MFF: variants seen among roughly 807,000 people sequenced by gnomAD.
MFF encodes the protein mitochondrial fission factor.
In MFF, 12 loss-of-function variants were observed where a neutral mutation model predicts 36.9. The ratio of observed to expected loss-of-function variants is 0.33; its 90% CI spans 0.21 to 0.53. The LOEUF (loss-of-function observed/expected upper bound fraction) is 0.53, where lower values mean the gene tolerates loss of function less well. Among genes scored for constraint, MFF ranks in the 20% least tolerant of loss-of-function variants. The pLI, the probability that MFF is intolerant of heterozygous loss-of-function variation, is 0.95. For synonymous variants in MFF, 99 were observed against 126.2 expected (o/e 0.78, Z 1.44); for missense variants, 348 against 366.6 (o/e 0.95, Z 0.42).
intron 5 of MFF, among the ~76,000 whole-genome samples, chr2:227,344,437 G>A (rs933174448): frequency 2.6e-5 from 4 of 152,144 alleles, no homozygotes; most frequent in Admixed American, 2.6e-4. Context: ...AGATGAAAGC[G>A]CTGTTTCCCT....
intron 7 of MFF, among the ~76,000 whole-genome samples, chr2:227,353,005 T>C (rs185084518): frequency 7.1e-4 from 108 of 152,330 alleles, no homozygotes; most frequent in African/African-American, 2.5e-3. Flanking sequence ...TTTGTAAGGC[T>C]TCATCTTAAA....
chr2:227,340,852 A>G (rs2075350187), intron 5 of MFF, among the ~76,000 whole-genome samples: 2 of 152,206 alleles, frequency 1.3e-5, no homozygotes, highest in South Asian at 2.1e-4. Context: ...TAAAGCTACC[A>G]CAAGATTATT....
At chr2:227,339,364 C>T (rs546381534) in intron 4 of MFF, among the ~76,000 whole-genome samples, 18 of 152,218 alleles carry the variant, frequency 1.2e-4, no homozygotes, top group South Asian at 2.1e-4. Flanking sequence ...TTGCAGTTGC[C>T]GTGAAGGGAA....
At chr2:227,337,908 C>T (rs980199582) in intron 4 of MFF, among the ~76,000 whole-genome samples, 64 of 151,332 alleles carry the variant, frequency 4.2e-4, no homozygotes, top group Non-Finnish European at 7.5e-4. Flanking sequence ...ATTAGCTGGT[C>T]ATGGTGTGTA....
intron 6 of MFF, among the ~76,000 whole-genome samples, chr2:227,348,121 CA>C (rs2075807356): frequency 1.3e-5 from 2 of 152,206 alleles, no homozygotes; most frequent in African/African-American, 4.8e-5. Context: ...CAACTCTGAA[CA>C]TTTATCTAGT....
chr2:227,347,666 A>T (rs1181381084), intron 6 of MFF, among the ~76,000 whole-genome samples: 1 of 152,118 alleles, frequency 6.6e-6, no homozygotes, highest in African/African-American at 2.4e-5. Context: ...ACTTGATTCC[A>T]CTTAGGGATA....
chr2:227,332,898 A>G (rs143234475), intron 4 of MFF, among the ~76,000 whole-genome samples: 2 of 152,360 alleles, frequency 1.3e-5, no homozygotes, highest in African/African-American at 4.8e-5. Context: ...GTTTAGCAAT[A>G]AGAAGTAAAT....
chr2:227,348,076 G>A (rs1330460088), intron 6 of MFF, among the ~76,000 whole-genome samples: 1 of 151,954 alleles, frequency 6.6e-6, no homozygotes, highest in Non-Finnish European at 1.5e-5. Context: ...GAGCTTTTTT[G>A]GCATAGTGTG....
At chr2:227,336,529 A>C (rs772722054) in intron 4 of MFF, among the ~76,000 whole-genome samples, 1 of 152,236 alleles carries the variant, frequency 6.6e-6, no homozygotes, top group African/African-American at 2.4e-5. Context: ...TTGGAGGAGA[A>C]GAGTAAAGGC....
rs2075767258 is a variant in MFF at position 227,347,316 on chromosome 2, G to A, written c.531G>A (p.Leu177=). 1 of 1,613,766 alleles carries A rather than the reference G, an allele frequency of 6.2e-7. No homozygotes were observed. ...ATCTTTCCTCTGCTCGTGGCATTTTGTCGCTTATCCAGTCTTCTACTCGTA... is the reference window on the plus strand; with the variant it reads ...ATCTTTCCTCTGCTCGTGGCATTTTATCGCTTATCCAGTCTTCTACTCGTA... ...GANLSSARGI[L]SLIQSSTRRA... is the part of the protein sequence containing the mutation. The change falls in exon 6 of 9, where the codon TTG becomes TTA. Residue 177 remains leucine, a synonymous_variant. Transcript: ENST00000304593.
chr2:227,351,088 A>C (rs1454734673), intron 6 of MFF, among the ~76,000 whole-genome samples: 1 of 152,210 alleles, frequency 6.6e-6, no homozygotes, highest in East Asian at 1.9e-4. Flanking sequence ...TAGGAAGCAC[A>C]CAGTGATGGC....
At position 227,340,349 on chromosome 2, in the gene MFF, C is replaced by T; in HGVS notation, c.409C>T (p.Gln137Ter). ...ERSMSENAVR[Q>*]NGQLVRNDSL... ...GTCTATGAGTGAAAATGCTGTTCGC[C>T]AAAATGGACAGCTGGTCAGAAATGA... The change falls in exon 5 of 9, where the codon CAA (glutamine) becomes TAA (stop). Residue 137 changes from glutamine to a stop codon, truncating the protein, a stop_gained. Transcript: ENST00000304593. LOFTEE classifies it high-confidence loss of function. 6.2e-7 allele frequency: 1 copy of T among 1,613,838 alleles called. No individual in the cohort carries two copies. The highest frequency in any genetic ancestry group is 8.5e-7 in the Non-Finnish European group (1 of 1,179,822).
In MFF at chr2:227,355,670, T is replaced by C. The variant is rs750190140; in HGVS notation, c.660-7T>C. The C allele has an allele frequency of 4.6e-5, 64 of 1,397,036 alleles. No individual in the cohort carries two copies. The Admixed American group carries it at 1.1e-3, about 24-fold the overall frequency. 86.5% of individuals were successfully genotyped at this position (1,397,036 alleles called of 1,614,324 possible). On this transcript the variant is annotated splice_polypyrimidine_tract_variant and splice_region_variant and intron_variant, in intron 7 of 8. Transcript: ENST00000304593. ...TATTCATTTGTATTTCTATCTCTTA[T>C]CTGCAGGTATGGCATTTCAAATATA...
intron 5 of MFF, among the ~76,000 whole-genome samples, chr2:227,345,002 A>G (rs1015391336): frequency 1.3e-5 from 2 of 152,094 alleles, no homozygotes; most frequent in African/African-American, 4.8e-5. Context: ...TTGTATTCCA[A>G]TTTCATGTGA....
intron 5 of MFF, chr2:227,346,816 G>C (rs1380930754): frequency 1.9e-5 from 3 of 154,504 alleles, no homozygotes; most frequent in Admixed American, 1.9e-4. Flanking sequence ...ACATCTGTAT[G>C]TGAGAATTCC....
At position 227,325,269 on chromosome 2, in the gene MFF, C is replaced by G. The variant is rs28365988; in HGVS notation, c.-311C>G. 6.5e-6 allele frequency: 1 copy of G among 152,804 alleles called. No homozygotes were observed. Among genetic ancestry groups the G allele is most frequent in the African/African-American group, 2.4e-5 (1 of 41,508 alleles). 9.5% of individuals were successfully genotyped at this position (152,804 alleles called of 1,614,324 possible). ...GGCTCCCAGAAGGGGCCAGCCCGCGCCTTTCGCGCTTCTGCCCTGGCCCTC... is the reference window on the plus strand; with the variant it reads ...GGCTCCCAGAAGGGGCCAGCCCGCGGCTTTCGCGCTTCTGCCCTGGCCCTC... On this transcript the variant is annotated 5_prime_UTR_variant, in exon 1 of 9. Transcript: ENST00000304593.
In MFF at chr2:227,347,290, A is replaced by C; in HGVS notation, c.505A>C (p.Asn169His). ...PPHMLPEDGANLSSARGILSL... is the reference protein window; with the variant it reads ...PPHMLPEDGAHLSSARGILSL... ...CCATATGTTACCTGAAGATGGAGCT[A>C]ATCTTTCCTCTGCTCGTGGCATTTT... Residue 169 changes from asparagine to histidine, a missense_variant, in exon 6 of 9, where the codon AAT becomes CAT. Transcript: ENST00000304593. 1 of 1,613,706 alleles carries C rather than the reference A, an allele frequency of 6.2e-7. No homozygotes were observed. The highest frequency in any genetic ancestry group is 8.5e-7 in the Non-Finnish European group (1 of 1,179,710).
chr2:227,337,929 C>T (rs938928035), intron 4 of MFF, among the ~76,000 whole-genome samples: 3 of 151,168 alleles, frequency 2.0e-5, no homozygotes, highest in African/African-American at 7.3e-5. Flanking sequence ...CCTGTAATCT[C>T]AGCTACTCAG....
At chr2:227,344,725 TAA>T (rs5839205) in intron 5 of MFF, among the ~76,000 whole-genome samples, 138 of 149,820 alleles carry the variant, frequency 9.2e-4, no homozygotes, top group Admixed American at 1.1e-3. Context: ...AGTCATCAAT[TAA>T]AAAAAAAAAA....
Sources: gnomAD v4.1 joint callset for allele counts (sites outside exome capture counted in the v4.1 genomes callset) on GRCh38, gnomAD v4.1.1 for gene constraint, MANE v1.5 for transcripts, NCBI Gene and HGNC (gene_info 2026-07-23, HGNC 2026-07-21) for gene names.